Variants in TENM3 observed in about 807,000 individuals in gnomAD.
TENM3 encodes teneurin-3.
A neutral mutation model predicts 255.1 loss-of-function variants in TENM3; 63 were observed. The ratio of observed to expected loss-of-function variants is 0.25; its 90% confidence interval spans 0.20 to 0.30. The LOEUF is 0.30. TENM3 is among the 10% of genes least tolerant of loss of function. The pLI is 1.00. For missense variants in TENM3, 2,929 were observed against 3,461.1 expected, an observed-to-expected ratio of 0.85 and a Z score of 3.86; for synonymous variants, 1,306 against 1,322.3, an observed-to-expected ratio of 0.99 and a Z score of 0.27.
chr4:181,993,481 C>T, the TENM3 span, among the ~76,000 whole-genome samples: 1 of 152,156 alleles, frequency 6.6e-6, no homozygotes, highest in Non-Finnish European at 1.5e-5. Context: ...AACAGCTTCG[C>T]TGTGTCTGCT....
intron 7 of TENM3, 136 bp from the exon 8 acceptor site, chr4:182,679,530 C>T (rs974695234): frequency 7.4e-6 from 5 of 675,266 alleles, no homozygotes; most frequent in Non-Finnish European, 1.3e-5. Flanking sequence ...GAGACTTCTA[C>T]CATTTGGACC....
At chr4:182,630,829 A>G (rs569833013) in intron 5 of TENM3, among the ~76,000 whole-genome samples, 2 of 152,086 alleles carry the variant, frequency 1.3e-5, no homozygotes, top group South Asian at 4.1e-4. Context: ...GCTGGAATTC[A>G]GTGTCAGGTT....
intron 24 of TENM3, among the ~76,000 whole-genome samples, chr4:182,785,044 G>A (rs552710212): frequency 3.9e-5 from 6 of 152,202 alleles, no homozygotes; most frequent in Admixed American, 1.3e-4. Flanking sequence ...GCTGTAGACC[G>A]GAGCTGTTCC....
chr4:182,695,233 C>T (rs1163272185), intron 12 of TENM3, among the ~76,000 whole-genome samples: 1 of 152,148 alleles, frequency 6.6e-6, no homozygotes, highest in African/African-American at 2.4e-5. Flanking sequence ...AAACTACCAG[C>T]GTCCCTGACC....
At chr4:181,535,138 G>A in the TENM3 span, among the ~76,000 whole-genome samples, 24 of 152,160 alleles carry the variant, frequency 1.6e-4, no homozygotes, top group Non-Finnish European at 2.6e-4. Flanking sequence ...ACAGTCCCGG[G>A]ATGTCCCCAC....
At chr4:182,532,614 T>C (rs189731273) in intron 3 of TENM3, among the ~76,000 whole-genome samples, 1 of 152,342 alleles carries the variant, frequency 6.6e-6, no homozygotes, top group East Asian at 1.9e-4. Context: ...CCACATTAAC[T>C]CTTTCTGGCC....
the TENM3 span, among the ~76,000 whole-genome samples, chr4:182,071,958 C>CA: frequency 1.4e-4 from 21 of 151,690 alleles, no homozygotes; most frequent in South Asian, 8.3e-4. Flanking sequence ...CAAAACAAAA[C>CA]AAAAAAAACA....
intron 6 of TENM3, among the ~76,000 whole-genome samples, chr4:182,661,908 A>C (rs987507994): frequency 6.6e-6 from 1 of 152,198 alleles, no homozygotes; most frequent in African/African-American, 2.4e-5. Context: ...CTCACATCAT[A>C]GGCAGGTGGC....
At chr4:181,834,105 T>A in the TENM3 span, among the ~76,000 whole-genome samples, 3 of 144,332 alleles carry the variant, frequency 2.1e-5, no homozygotes, top group Middle Eastern at 3.6e-3. Context: ...CGAGAAAAAA[T>A]AAATTTGCTA....
At chr4:182,744,516 G>A (rs1368947460) in intron 19 of TENM3, among the ~76,000 whole-genome samples, 2 of 152,136 alleles carry the variant, frequency 1.3e-5, no homozygotes, top group African/African-American at 4.8e-5. Flanking sequence ...CAGTAAGGAG[G>A]TTTGAGAAGG....
chr4:181,859,889 T>C, the TENM3 span, among the ~76,000 whole-genome samples: 4 of 152,076 alleles, frequency 2.6e-5, no homozygotes, highest in African/African-American at 9.7e-5. Context: ...CCTTCAAAGC[T>C]ATTATTTGTC....
chr4:182,258,801 A>G (rs1264386841), intron 1 of TENM3, among the ~76,000 whole-genome samples: 1 of 152,184 alleles, frequency 6.6e-6, no homozygotes, highest in Non-Finnish European at 1.5e-5. Flanking sequence ...TAGCCTGACA[A>G]AGAAACTCAC....
chr4:181,798,174 G>T, the TENM3 span, among the ~76,000 whole-genome samples: 1 of 151,770 alleles, frequency 6.6e-6, no homozygotes, highest in East Asian at 1.9e-4. Flanking sequence ...ACACTGATAA[G>T]TACAAGAACT....
the TENM3 span, among the ~76,000 whole-genome samples, chr4:181,827,907 G>T: frequency 5.9e-5 from 9 of 152,126 alleles, no homozygotes; most frequent in African/African-American, 2.2e-4. Context: ...CAGGGCTTGT[G>T]ACTGGAACAG....
chr4:181,633,986 A>G, the TENM3 span, among the ~76,000 whole-genome samples: 1 of 152,256 alleles, frequency 6.6e-6, no homozygotes, highest in African/African-American at 2.4e-5. Flanking sequence ...CTTCTTCCAT[A>G]TTTGCGGTTT....
intron 3 of TENM3, among the ~76,000 whole-genome samples, chr4:182,583,163 TGGAG>T (rs1287987628): frequency 6.6e-6 from 1 of 152,234 alleles, no homozygotes; most frequent in Non-Finnish European, 1.5e-5. Flanking sequence ...ACATCAGCTG[TGGAG>T]ATCTGGCCCG....
At chr4:182,269,011 T>C (rs1457669103) in intron 1 of TENM3, among the ~76,000 whole-genome samples, 1 of 152,180 alleles carries the variant, frequency 6.6e-6, no homozygotes, top group Non-Finnish European at 1.5e-5. Flanking sequence ...GGGACCCCTT[T>C]CCTGTAACAT....
At chr4:182,273,789 G>T (rs962709547) in intron 1 of TENM3, among the ~76,000 whole-genome samples, 1 of 152,196 alleles carries the variant, frequency 6.6e-6, no homozygotes, top group African/African-American at 2.4e-5. Flanking sequence ...TTGACAAAGG[G>T]ACGTGTAAAT....
chr4:181,700,509 C>T, the TENM3 span, among the ~76,000 whole-genome samples: 1 of 152,162 alleles, frequency 6.6e-6, no homozygotes, highest in African/African-American at 2.4e-5. Flanking sequence ...TAATGCAATA[C>T]ATTCCATTTT....
Sources: allele counts gnomAD v4.1 joint callset (sites outside exome capture counted in the v4.1 genomes callset), GRCh38; gene constraint gnomAD v4.1.1; transcripts MANE v1.5; gene names NCBI Gene and HGNC (gene_info 2026-07-23, HGNC 2026-07-21).